The following FGD4 variants were observed in gnomAD, a reference collection of about 807,000 sequenced individuals.
FGD4 encodes the protein FYVE, RhoGEF and PH domain-containing protein 4.
Under a neutral mutation model 102.0 loss-of-function variants are expected in FGD4, and 42 were observed. The observed-to-expected ratio is 0.41, with a 90% CI of 0.32 to 0.53. FGD4 has a LOEUF of 0.53. Ranked by LOEUF, FGD4 falls within the 20% of genes least tolerant of loss-of-function variation. The pLI is 0.21. For synonymous variants in FGD4, 380 were observed against 375.7 expected (o/e 1.01, Z -0.13); for missense variants, 902 against 1,078.2 (o/e 0.84, Z 2.29).
chr12:32,520,819 T>C (rs185436903), intron 1 of FGD4, among the ~76,000 whole-genome samples: 4 of 152,284 alleles, frequency 2.6e-5, no homozygotes, highest in East Asian at 1.9e-4. Flanking sequence ...ATATGCATAC[T>C]AGGGGATGCA....
intron 16 of FGD4, 119 bp from the exon 17 acceptor site, chr12:32,640,157 G>A (rs1031505542): frequency 3.4e-6 from 5 of 1,485,820 alleles, no homozygotes; most frequent in Non-Finnish European, 4.7e-6. Context: ...TGCCCATGGA[G>A]AACTCACCGT....
At chr12:32,599,815 T>A (rs1324565495) in intron 5 of FGD4, among the ~76,000 whole-genome samples, 1 of 151,970 alleles carries the variant, frequency 6.6e-6, no homozygotes, top group Non-Finnish European at 1.5e-5. Flanking sequence ...CTCAAAGTGC[T>A]GGGATTACAG....
intron 10 of FGD4, 150 bp from the exon 11 acceptor site, chr12:32,619,548 C>T (rs367831589): frequency 1.0e-5 from 8 of 801,566 alleles, no homozygotes; most frequent in African/African-American, 8.6e-5. Context: ...AGGAGAATGG[C>T]GTGAACCCGG....
intron 1 of FGD4, among the ~76,000 whole-genome samples, chr12:32,530,633 C>T (rs985490154): frequency 6.6e-6 from 1 of 152,128 alleles, no homozygotes; most frequent in Non-Finnish European, 1.5e-5. Flanking sequence ...TTATGAATAG[C>T]TGTGAGTTCA....
At chr12:32,613,850 C>T (rs1949294470) in intron 10 of FGD4, among the ~76,000 whole-genome samples, 1 of 152,082 alleles carries the variant, frequency 6.6e-6, no homozygotes. Flanking sequence ...AAAATTGAAG[C>T]AAGAACAAAC....
rs781381508 is a variant in FGD4 at position 32,601,396 on chromosome 12, C to A, written c.1220C>A (p.Pro407Gln). 5.0e-6 allele frequency: 8 copies of A among 1,613,804 alleles called. No homozygotes were observed. The Admixed American group carries it at 1.3e-4, about 27-fold the overall frequency. Residue 407 changes from proline (P) to glutamine (Q), a missense_variant, in exon 6 of 17, where the codon CCA becomes CAA. Pro to Gln is a moderately conservative substitution (Grantham distance 76, BLOSUM62 -1). Around this residue, in one of 2 missense-constraint regions of FGD4, gnomAD observed 459 missense variants for 619.0 expected, o/e 0.74. Coordinates refer to ENST00000534526, the MANE Select transcript of FGD4 (RefSeq NM_001370298.3). ...GCCTTCCATAGTAAATTCCTCTTGC[C>A]AGAGCTGGAGAAACGAATGCAAGAA... Reference protein sequence around the residue: ...INAFHSKFLLPELEKRMQEWE... With the variant: ...INAFHSKFLLQELEKRMQEWE...
Position 32,633,656 on chromosome 12 carries a change from C to A in FGD4, c.2280C>A (p.Asp760Glu), listed in dbSNP as rs1260187981. 2 of 1,607,150 alleles carry A rather than the reference C, an allele frequency of 1.2e-6. No individual in the cohort carries two copies. Among genetic ancestry groups the A allele is most frequent in the South Asian group, 2.2e-5 (2 of 90,886 alleles). Residue 760 changes from aspartate to glutamate, a missense_variant, in exon 15 of 17, where the codon GAC becomes GAA. Asp to Glu is a conservative substitution (Grantham distance 45). Transcript: ENST00000534526. ...ATCAAATCATAAGTGGATTCACAGA[C>A]AGTGAAGAAAAGAAAAGAAAAGGAA... ...DCYQIISGFT[D>E]SEEKKRKGIL...
At chr12:32,415,162 G>GT (rs950173529) in intron 1 of FGD4, among the ~76,000 whole-genome samples, 16 of 151,704 alleles carry the variant, frequency 1.1e-4, no homozygotes, top group East Asian at 5.8e-4. Flanking sequence ...TATTATTTCA[G>GT]TTTTTTTTGA....
chr12:32,602,446 T>C, intron 7 of FGD4, 129 bp downstream of exon 7: 1 of 1,026,792 alleles, frequency 9.7e-7, no homozygotes, highest in South Asian at 1.4e-5. Flanking sequence ...TACTCCAAAT[T>C]ATGCAGATCA....
chr12:32,625,887 A>G (rs886255709), intron 14 of FGD4, 108 bp downstream of exon 14: 1 of 1,498,446 alleles, frequency 6.7e-7, no homozygotes, highest in Non-Finnish European at 9.3e-7. Context: ...CACTTAATAA[A>G]TTTATTTTGG....
chr12:32,520,768 C>G (rs1261531962), intron 1 of FGD4, among the ~76,000 whole-genome samples: 1 of 152,094 alleles, frequency 6.6e-6, no homozygotes, highest in Non-Finnish European at 1.5e-5. Flanking sequence ...TATCTTAATA[C>G]AGGAATGCTT....
At chr12:32,411,216 A>C (rs1328719489) in intron 1 of FGD4, among the ~76,000 whole-genome samples, 1 of 151,712 alleles carries the variant, frequency 6.6e-6, no homozygotes, top group African/African-American at 2.4e-5. Context: ...GGTGTGAGCC[A>C]CTGCGCCCGG....
chr12:32,423,484 T>C (rs1415334410), intron 1 of FGD4, among the ~76,000 whole-genome samples: 7 of 148,810 alleles, frequency 4.7e-5, no homozygotes, highest in Non-Finnish European at 1.0e-4. Flanking sequence ...CCCAGCTACT[T>C]GGGAGGCCGA....
chr12:32,577,116 T>C (rs1420583835), intron 3 of FGD4, among the ~76,000 whole-genome samples: 1 of 152,210 alleles, frequency 6.6e-6, no homozygotes, highest in Non-Finnish European at 1.5e-5. Flanking sequence ...ATATTTCTCA[T>C]TTAAAGATAA....
chr12:32,576,343 AG>A lies in FGD4; in HGVS notation c.398del (p.Ser133MetfsTer44). On this transcript the variant is annotated frameshift_variant, in exon 3 of 17. Coordinates refer to ENST00000534526, the MANE Select transcript of FGD4 (RefSeq NM_001370298.3). LOFTEE classifies it high-confidence loss of function. ...AACCCCCAGGCATAAAGCTTTACCT[AG>A]TGCAAAACCAAGGATGGAGGAAATT... ...HQTPRHKALP[S>X]AKPRMEEIKP... 6.2e-7 allele frequency: 1 copy of A among 1,614,126 alleles called. No homozygotes were observed. The highest frequency in any genetic ancestry group is 8.5e-7 in the Non-Finnish European group (1 of 1,180,008).
chr12:32,594,364 C>T (rs1242559198), intron 4 of FGD4, among the ~76,000 whole-genome samples: 8 of 152,094 alleles, frequency 5.3e-5, no homozygotes, highest in Admixed American at 1.3e-4. Flanking sequence ...ATCTAATGAC[C>T]GATGATCTGT....
chr12:32,481,499 T>C (rs1249219417), intron 1 of FGD4, among the ~76,000 whole-genome samples: 1 of 152,094 alleles, frequency 6.6e-6, no homozygotes, highest in East Asian at 1.9e-4. Context: ...ACTTTAGACC[T>C]ATGCCGTCCA....
intron 1 of FGD4, among the ~76,000 whole-genome samples, chr12:32,497,276 A>G (rs1380111400): frequency 6.6e-6 from 1 of 151,730 alleles, no homozygotes; most frequent in Admixed American, 6.6e-5. Context: ...AGTTCAATTT[A>G]TTAATATTTC....
In FGD4 at chr12:32,400,238, C is replaced by CG. The variant is rs145299271; in HGVS notation, c.166+279_166+280insG. ...TACAGGTAGAATTCTCTTTTTCTCT[C>CG]TAACTTTTGTTAGGATTTGAAAAGA... On this transcript the variant is annotated intron_variant, in intron 1 of 16. Coordinates refer to ENST00000534526, the MANE Select transcript of FGD4 (RefSeq NM_001370298.3). 2.6e-3 allele frequency among the ~76,000 whole-genome samples: 399 copies of CG among 152,328 alleles called. 1 individual carries two copies. Among genetic ancestry groups the CG allele is most frequent in the African/African-American group, 9.1e-3 (379 of 41,574 alleles).
Sources: allele counts gnomAD v4.1 joint callset (sites outside exome capture counted in the v4.1 genomes callset), GRCh38; gene constraint gnomAD v4.1.1; regional missense constraint gnomAD v4.1.1; transcripts MANE v1.5; gene names NCBI Gene and HGNC (gene_info 2026-07-23, HGNC 2026-07-21).